Variants in C5AR1 observed in about 807,000 individuals in gnomAD.
The protein encoded by C5AR1 is C5a anaphylatoxin chemotactic receptor 1.
In C5AR1, 4 loss-of-function variants were observed where a neutral mutation model predicts 2.4. The observed-to-expected ratio is 1.65, with a 90% CI of 0.81 to 3.77. C5AR1 has a LOEUF of 3.77. C5AR1 is among the 30% of genes most tolerant of loss of function. The pLI, the probability that C5AR1 is intolerant of heterozygous loss-of-function variation, is 0.01. For missense variants in C5AR1, 418 were observed against 462.5 expected, an observed-to-expected ratio of 0.90 and a Z score of 0.88; for synonymous variants, 209 against 210.4, an observed-to-expected ratio of 0.99 and a Z score of 0.06.
intron 1 of C5AR1, among the ~76,000 whole-genome samples, chr19:47,319,378 G>A (rs911881880): frequency 7.4e-6 from 1 of 134,592 alleles, no homozygotes; most frequent in Non-Finnish European, 1.5e-5. Context: ...GTATGATCTC[G>A]GCTCACTCTA....
upstream of C5AR1, among the ~76,000 whole-genome samples, chr19:47,309,210 A>T (rs570921475): frequency 1.3e-5 from 2 of 152,120 alleles, no homozygotes; most frequent in Non-Finnish European, 2.9e-5. Flanking sequence ...CTTGAATCCC[A>T]AGGGAGGGGT....
intron 1 of C5AR1, among the ~76,000 whole-genome samples, chr19:47,311,379 G>A (rs979478939): frequency 3.3e-5 from 5 of 151,674 alleles, no homozygotes; most frequent in South Asian, 2.1e-4. Flanking sequence ...GCATATAAGC[G>A]GGCGCCTGTA....
intron 1 of C5AR1, among the ~76,000 whole-genome samples, chr19:47,319,044 C>A (rs1392535190): frequency 6.6e-6 from 1 of 151,736 alleles, no homozygotes. Flanking sequence ...CACTACCACG[C>A]CTGGCTAATT....
At chr19:47,309,784 C>T (rs2059264220), upstream of C5AR1, 1 of 1,198,528 alleles carries the variant, frequency 8.3e-7, no homozygotes, top group Admixed American at 1.9e-5. Context: ...CAATGAGAGC[C>T]CCAGAGAGAA....
At chr19:47,316,338 T>C (rs186980970) in intron 1 of C5AR1, 1 of 152,282 alleles carries the variant, frequency 6.6e-6, no homozygotes, top group African/African-American at 2.4e-5. Context: ...TCTCCATGTA[T>C]CCATTGTCTG....
Position 47,320,912 on chromosome 19 carries a change from TG to T in C5AR1, c.*85del. ...CCTCTTGTTTTCACTTCACTTTTCGTGGGATGGTGTTACCTTAGCTAACTAA... is the reference window on the plus strand; with the variant it reads ...CCTCTTGTTTTCACTTCACTTTTCGTGGATGGTGTTACCTTAGCTAACTAA... On this transcript the variant is annotated 3_prime_UTR_variant, in exon 2 of 2. Coordinates refer to ENST00000355085, the MANE Select transcript of C5AR1 (RefSeq NM_001736.4). The surrounding 1 kb of genome is among the most constrained non-coding windows in gnomAD (Gnocchi z 4.9). The T allele has an allele frequency of 1.6e-6, 2 of 1,269,046 alleles. No individual in the cohort carries two copies. The highest frequency in any genetic ancestry group is 2.2e-6 in the Non-Finnish European group (2 of 919,450). 78.6% of individuals were successfully genotyped at this position (1,269,046 alleles called of 1,614,324 possible). A position where few individuals can be genotyped will look rare whatever the true frequency, so the allele number is the denominator to read the frequency against.
chr19:47,312,020 C>T (rs983246764), intron 1 of C5AR1, among the ~76,000 whole-genome samples: 2 of 152,176 alleles, frequency 1.3e-5, no homozygotes, highest in Non-Finnish European at 2.9e-5. Context: ...ACCCCAAAAC[C>T]GAGCTCAGCT....
rs201788224 is a variant in C5AR1 at position 47,321,591 on chromosome 19, C to T, written c.*761C>T. On this transcript the variant is annotated 3_prime_UTR_variant, in exon 2 of 2. Coordinates refer to ENST00000355085, the MANE Select transcript of C5AR1 (RefSeq NM_001736.4). The stretch of plus-strand genomic sequence containing the variant: ...ACCACTGCACTCTAGCCTGGGTGAC[C>T]GAGGGAGGCTCTGTCTCAAAAGCAA... The T allele has an allele frequency of 5.3e-5, 8 of 151,918 alleles. No individual in the cohort carries two copies. The highest frequency in any genetic ancestry group is 2.1e-4 in the South Asian group (1 of 4,816). 9.4% of individuals were successfully genotyped at this position (151,918 alleles called of 1,614,324 possible).
At chr19:47,308,846 C>T (rs2059261625), upstream of C5AR1, among the ~76,000 whole-genome samples, 1 of 151,388 alleles carries the variant, frequency 6.6e-6, no homozygotes, top group South Asian at 2.1e-4. Context: ...GCAATCTTGG[C>T]TCACTGCAAC....
rs1362578261 is a variant in C5AR1 at position 47,321,852 on chromosome 19, C to T, written c.*1022C>T. Reference sequence around the variant, plus strand: ...ATACAGTGAAGATACAGGACATTCTCATCACCACAGGGATCCCCAGGATGC... The same window carrying T: ...ATACAGTGAAGATACAGGACATTCTTATCACCACAGGGATCCCCAGGATGC... On this transcript the variant is annotated 3_prime_UTR_variant, in exon 2 of 2. Transcript: ENST00000355085. 2 of 152,098 alleles carry T rather than the reference C, an allele frequency of 1.3e-5. No homozygotes were observed. The highest frequency in any genetic ancestry group is 2.9e-5 in the Non-Finnish European group (2 of 68,044). The allele number at this position is 152,098 out of a possible 1,614,324, so 9.4% of individuals were successfully genotyped here.
At position 47,321,659 on chromosome 19, in the gene C5AR1, G is replaced by A. The variant is rs191989246; in HGVS notation, c.*829G>A. The A allele has an allele frequency of 6.6e-6, 1 of 152,064 alleles. No homozygotes were observed. Among genetic ancestry groups the A allele is most frequent in the African/African-American group, 2.4e-5 (1 of 41,394 alleles). The allele number at this position is 152,064 out of a possible 1,614,324, so 9.4% of individuals were successfully genotyped here. On this transcript the variant is annotated 3_prime_UTR_variant, in exon 2 of 2. Coordinates refer to ENST00000355085, the MANE Select transcript of C5AR1 (RefSeq NM_001736.4). ...AAACACCTAAAAAACCTGCAGTTTT[G>A]TTTGTACTTTGTTTTTAAATTATGC...
upstream of C5AR1, chr19:47,309,848 T>C (rs576111516): frequency 3.1e-6 from 5 of 1,608,378 alleles, no homozygotes; most frequent in East Asian, 2.2e-5. Context: ...ACCACAGCCC[T>C]TGGGCAGGAG....
Position 47,315,752 on chromosome 19 carries a change from C to A in C5AR1, c.4-4029C>A, listed in dbSNP as rs541976687. Among the ~76,000 whole-genome samples the A allele has an allele frequency of 1.5e-4, 23 of 152,000 alleles. No individual in the cohort carries two copies. In the South Asian group the frequency reaches 4.8e-3, roughly 32 times the overall value. On this transcript the variant is annotated intron_variant, in intron 1 of 1. Coordinates refer to ENST00000355085, the MANE Select transcript of C5AR1 (RefSeq NM_001736.4). ...AAACAGGAACTTAGGGTGCTGGGAG[C>A]GGGCAATAGAAGAAGTGGGTGGCTG...
At chr19:47,308,775 C>T (rs1450828515), upstream of C5AR1, among the ~76,000 whole-genome samples, 1 of 133,152 alleles carries the variant, frequency 7.5e-6, no homozygotes, top group East Asian at 2.5e-4. Flanking sequence ...AGGCTGGTGA[C>T]GATGGTTTTT....
chr19:47,321,460 A>G lies in C5AR1; in HGVS notation c.*630A>G, dbSNP rs1343850546. ...CCCGTCTGTACTAAAAATACAAAAA[A>G]TTAACTGGGCATGGTAGTGGGTGCC... is the stretch of plus-strand genomic sequence containing the variant. On this transcript the variant is annotated 3_prime_UTR_variant, in exon 2 of 2. Coordinates refer to ENST00000355085, the MANE Select transcript of C5AR1 (RefSeq NM_001736.4). The G allele has an allele frequency of 1.3e-5, 2 of 152,052 alleles. No individual in the cohort carries two copies. The highest frequency in any genetic ancestry group is 2.4e-5 in the African/African-American group (1 of 41,388). 9.4% of individuals were successfully genotyped at this position (152,052 alleles called of 1,614,324 possible). A position where few individuals can be genotyped will look rare whatever the true frequency, so the allele number is the denominator to read the frequency against.
At chr19:47,316,734 C>T (rs1011560670) in intron 1 of C5AR1, among the ~76,000 whole-genome samples, 1 of 152,102 alleles carries the variant, frequency 6.6e-6, no homozygotes, top group African/African-American at 2.4e-5. Flanking sequence ...CACCACGTGG[C>T]TAAACCCCAC....
chr19:47,308,484 G>T (rs1471499171), upstream of C5AR1, among the ~76,000 whole-genome samples: 1 of 151,904 alleles, frequency 6.6e-6, no homozygotes, highest in Non-Finnish European at 1.5e-5. Flanking sequence ...GGGGGACAGG[G>T]TAGCTCCATT....
upstream of C5AR1, chr19:47,309,798 C>T (rs201013609): frequency 1.6e-5 from 21 of 1,324,704 alleles, no homozygotes; most frequent in Admixed American, 7.5e-5. Flanking sequence ...GAGAGAAAGA[C>T]GGTCATTTCC....
upstream of C5AR1, among the ~76,000 whole-genome samples, chr19:47,308,350 T>C (rs528844148): frequency 1.3e-5 from 2 of 151,792 alleles, no homozygotes; most frequent in African/African-American, 4.8e-5. Context: ...GATAGGACCA[T>C]CTCGTTACAG....
Sources: gnomAD v4.1 joint callset for allele counts (sites outside exome capture counted in the v4.1 genomes callset) on GRCh38, gnomAD v4.1.1 for gene constraint, Gnocchi (gnomAD v3.1) non-coding constraint, MANE v1.5 for transcripts, NCBI Gene and HGNC (gene_info 2026-07-23, HGNC 2026-07-21) for gene names.